The following GPC6 variants were observed in gnomAD, a reference collection of about 807,000 sequenced individuals.
GPC6 encodes glypican-6.
A neutral mutation model predicts 55.2 loss-of-function variants in GPC6; 14 were observed. The observed-to-expected ratio is 0.25, with a 90% CI of 0.17 to 0.40. The LOEUF is 0.40. Ranked by LOEUF, GPC6 falls within the 10% of genes least tolerant of loss-of-function variation. GPC6 has a pLI of 1.00. For synonymous variants in GPC6, 278 were observed against 259.6 expected (o/e 1.07, Z -0.68); for missense variants, 641 against 708.5 (o/e 0.90, Z 1.08).
chr13:94,286,779 G>T (rs1892544023), intron 5 of GPC6, among the ~76,000 whole-genome samples: 1 of 152,124 alleles, frequency 6.6e-6, no homozygotes, highest in African/African-American at 2.4e-5. Context: ...CAATTTGGGG[G>T]GAATTTTCTT....
chr13:93,227,130 C>G lies in GPC6; in HGVS notation c.-327C>G. On this transcript the variant is annotated 5_prime_UTR_variant, in exon 1 of 9. Transcript: ENST00000377047. This position sits in a 1 kb window ranked among gnomAD's most constrained non-coding sequence, Gnocchi z 4.3. ...CTGCGGCTCGGAACTCGGATTGCAG[C>G]TCTGAACCCCCATGGTGGTTTTTTA... 5.0e-6 allele frequency: 1 copy of G among 201,732 alleles called. No individual in the cohort carries two copies. Among genetic ancestry groups the G allele is most frequent in the Non-Finnish European group, 1.0e-5 (1 of 99,916 alleles). The allele number at this position is 201,732 out of a possible 1,614,324, so 12.5% of individuals were successfully genotyped here. A position where few individuals can be genotyped will look rare whatever the true frequency, so the allele number is the denominator to read the frequency against.
chr13:93,939,662 C>A (rs547304157), intron 3 of GPC6, among the ~76,000 whole-genome samples: 11 of 152,076 alleles, frequency 7.2e-5, no homozygotes, highest in African/African-American at 2.4e-4. Context: ...GTTGCCCAGG[C>A]TGGTCTTGAG....
intron 1 of GPC6, among the ~76,000 whole-genome samples, chr13:93,430,727 C>G (rs1594164454): frequency 6.6e-6 from 1 of 152,108 alleles, no homozygotes; most frequent in African/African-American, 2.4e-5. Flanking sequence ...GCTCTTTATG[C>G]CTCAAGAAAA....
At chr13:93,863,662 G>A (rs1245179481) in intron 3 of GPC6, among the ~76,000 whole-genome samples, 1 of 151,622 alleles carries the variant, frequency 6.6e-6, no homozygotes, top group Non-Finnish European at 1.5e-5. Flanking sequence ...AGTTCATGGT[G>A]ACATCATAAA....
intron 2 of GPC6, among the ~76,000 whole-genome samples, chr13:93,779,274 T>G (rs1381998465): frequency 6.6e-6 from 1 of 152,206 alleles, no homozygotes; most frequent in East Asian, 1.9e-4. Context: ...TTCACTGGGC[T>G]TTAATCAATG....
intron 8 of GPC6, 116 bp from the exon 9 acceptor site, chr13:94,402,899 C>T (rs1881204836): frequency 6.0e-6 from 5 of 838,664 alleles, no homozygotes; most frequent in Non-Finnish European, 1.0e-5. Context: ...TCCACATGGC[C>T]TCTCCCCTGA....
chr13:93,909,190 A>G (rs1278237942), intron 3 of GPC6, among the ~76,000 whole-genome samples: 1 of 152,194 alleles, frequency 6.6e-6, no homozygotes, highest in East Asian at 1.9e-4. Context: ...ATATACAGGT[A>G]CGGACAACTT....
intron 4 of GPC6, among the ~76,000 whole-genome samples, chr13:94,214,999 T>C (rs373706374): frequency 6.6e-6 from 1 of 152,242 alleles, no homozygotes; most frequent in African/African-American, 2.4e-5. Context: ...TTCTTAAAGA[T>C]GTGCAAAATT....
At chr13:94,239,178 A>AGG (rs529067466) in intron 4 of GPC6, among the ~76,000 whole-genome samples, 517 of 152,180 alleles carry the variant, frequency 3.4e-3, no homozygotes, top group Non-Finnish European at 5.4e-3. Context: ...TTCCTCATTT[A>AGG]GGGGGCCCTT....
chr13:93,873,656 T>C (rs2140303562), intron 3 of GPC6, among the ~76,000 whole-genome samples: 1 of 152,026 alleles, frequency 6.6e-6, no homozygotes, highest in South Asian at 2.1e-4. Flanking sequence ...TGCAGACCGA[T>C]CTGGAGCTTG....
chr13:93,896,338 T>C (rs529647486), intron 3 of GPC6, among the ~76,000 whole-genome samples: 18 of 152,180 alleles, frequency 1.2e-4, no homozygotes, highest in Admixed American at 9.2e-4. Context: ...TTTTCACCTC[T>C]AAGTCCTTAT....
chr13:94,302,066 A>C (rs1361628118), intron 5 of GPC6, among the ~76,000 whole-genome samples: 3 of 152,328 alleles, frequency 2.0e-5, no homozygotes, highest in African/African-American at 4.8e-5. Context: ...TTTTCTGCCC[A>C]AAAATTTCCT....
chr13:93,504,830 C>A (rs1322014764), intron 1 of GPC6, among the ~76,000 whole-genome samples: 9 of 152,146 alleles, frequency 5.9e-5, no homozygotes, highest in Non-Finnish European at 1.0e-4. Flanking sequence ...AGTCCTCTGA[C>A]AACCTCAGGA....
Position 94,405,809 on chromosome 13 carries a change from G to A in GPC6, c.*2592G>A, listed in dbSNP as rs1256765163. On this transcript the variant is annotated 3_prime_UTR_variant, in exon 9 of 9. Coordinates refer to ENST00000377047, the MANE Select transcript of GPC6 (RefSeq NM_005708.5). Reference sequence around the variant, plus strand: ...CACAGTGTTAGCACCCTGCATGGATGTGGTCAAAATATCATTCAAGTTGTA... The same window carrying A: ...CACAGTGTTAGCACCCTGCATGGATATGGTCAAAATATCATTCAAGTTGTA... 1 of 152,178 alleles carries A rather than the reference G, an allele frequency of 6.6e-6. No homozygotes were observed. Among genetic ancestry groups the A allele is most frequent in the African/African-American group, 2.4e-5 (1 of 41,440 alleles). The allele number at this position is 152,178 out of a possible 1,614,324, so 9.4% of individuals were successfully genotyped here.
At chr13:93,313,199 G>C (rs1427677516) in intron 1 of GPC6, among the ~76,000 whole-genome samples, 1 of 152,136 alleles carries the variant, frequency 6.6e-6, no homozygotes, top group Non-Finnish European at 1.5e-5. Flanking sequence ...ATTTGGCAGA[G>C]CCTCAGAATA....
chr13:93,941,413 A>G (rs1229819499), intron 3 of GPC6, among the ~76,000 whole-genome samples: 3 of 152,218 alleles, frequency 2.0e-5, no homozygotes, highest in African/African-American at 7.2e-5. Context: ...TTTCAGATCC[A>G]CTAGCCCACC....
intron 2 of GPC6, among the ~76,000 whole-genome samples, chr13:93,777,977 G>A (rs1201056767): frequency 6.6e-6 from 1 of 152,192 alleles, no homozygotes; most frequent in South Asian, 2.1e-4. Context: ...CTCAGTGTAA[G>A]AGAGATCTTG....
At chr13:94,238,457 AC>A (rs1890947814) in intron 4 of GPC6, among the ~76,000 whole-genome samples, 2 of 152,100 alleles carry the variant, frequency 1.3e-5, no homozygotes, top group Admixed American at 1.3e-4. Context: ...ATACATGGTC[AC>A]CATTGTCTTA....
chr13:94,060,588 T>G (rs997187904), intron 4 of GPC6, among the ~76,000 whole-genome samples: 1 of 152,188 alleles, frequency 6.6e-6, no homozygotes, highest in Non-Finnish European at 1.5e-5. Context: ...ACTTTAGTAG[T>G]AGTTAGTTTC....
Sources: allele counts gnomAD v4.1 joint callset (sites outside exome capture counted in the v4.1 genomes callset), GRCh38; gene constraint gnomAD v4.1.1; non-coding constraint Gnocchi (gnomAD v3.1); transcripts MANE v1.5; gene names NCBI Gene and HGNC (gene_info 2026-07-23, HGNC 2026-07-21).